KCNG3: variants seen among roughly 807,000 people sequenced by gnomAD.
KCNG3 encodes the protein voltage-gated potassium channel regulatory subunit KCNG3.
Under a neutral mutation model 29.0 loss-of-function variants are expected in KCNG3, and 15 were observed. The observed-to-expected ratio is 0.52, with a 90% CI of 0.35 to 0.80. KCNG3 has a LOEUF of 0.80. Among genes scored for constraint, KCNG3 ranks in the 30% least tolerant of loss-of-function variants. The pLI is 0.01. For missense variants in KCNG3, 512 were observed against 605.7 expected, an observed-to-expected ratio of 0.85 and a Z score of 1.62; for synonymous variants, 322 against 248.9, an observed-to-expected ratio of 1.29 and a Z score of -2.76.
At chr2:42,439,356 G>A (rs979517859), downstream of KCNG3, among the ~76,000 whole-genome samples, 20 of 151,786 alleles carry the variant, frequency 1.3e-4, no homozygotes, top group African/African-American at 4.8e-4. Context: ...CCACCTGCCA[G>A]GTTTAAGTAA....
chr2:42,394,817 C>A, the KCNG3 span, among the ~76,000 whole-genome samples: 1 of 152,208 alleles, frequency 6.6e-6, no homozygotes, highest in African/African-American at 2.4e-5. Context: ...CCTCCTGTCA[C>A]CGGCACACGT....
At chr2:42,423,057 T>C in the KCNG3 span, among the ~76,000 whole-genome samples, 2 of 152,168 alleles carry the variant, frequency 1.3e-5, no homozygotes, top group African/African-American at 4.8e-5. Context: ...ATCCTGACCA[T>C]TTGGACCACT....
intron 1 of KCNG3, among the ~76,000 whole-genome samples, chr2:42,448,062 C>A (rs1371711492): frequency 6.6e-6 from 1 of 152,184 alleles, no homozygotes; most frequent in East Asian, 1.9e-4. Context: ...ACTTGGAGGT[C>A]TCTGCCACTC....
At chr2:42,479,233 G>A (rs1033540393) in intron 1 of KCNG3, among the ~76,000 whole-genome samples, 1 of 152,132 alleles carries the variant, frequency 6.6e-6, no homozygotes, top group Non-Finnish European at 1.5e-5. Flanking sequence ...CTCTAGGATA[G>A]ATACAAAGAA....
At chr2:42,452,413 T>A (rs1672783181) in intron 1 of KCNG3, among the ~76,000 whole-genome samples, 1 of 151,814 alleles carries the variant, frequency 6.6e-6, no homozygotes, top group African/African-American at 2.4e-5. Flanking sequence ...AAGATTAAAT[T>A]ATTTTTTTAC....
At chr2:42,436,128 G>T in the KCNG3 span, among the ~76,000 whole-genome samples, 1 of 152,178 alleles carries the variant, frequency 6.6e-6, no homozygotes, top group Non-Finnish European at 1.5e-5. Flanking sequence ...AAAGAAGCCA[G>T]ACACAAAAGG....
At chr2:42,440,221 C>A (rs1379455120), downstream of KCNG3, among the ~76,000 whole-genome samples, 1 of 152,116 alleles carries the variant, frequency 6.6e-6, no homozygotes, top group Non-Finnish European at 1.5e-5. Context: ...AATGATTAGA[C>A]TATGTCTGAT....
At chr2:42,456,336 C>G (rs1259905745) in intron 1 of KCNG3, among the ~76,000 whole-genome samples, 1 of 152,016 alleles carries the variant, frequency 6.6e-6, no homozygotes, top group African/African-American at 2.4e-5. Context: ...CGAGTCCAGT[C>G]TGGGCAACAT....
chr2:42,441,461 T>TA (rs1358900989), downstream of KCNG3, among the ~76,000 whole-genome samples: 7 of 152,024 alleles, frequency 4.6e-5, no homozygotes, highest in African/African-American at 1.7e-4. Flanking sequence ...ATGCTGTTCC[T>TA]AAAAAAACAC....
At chr2:42,452,243 ATTTTT>A (rs771771721) in intron 1 of KCNG3, among the ~76,000 whole-genome samples, 80 of 95,052 alleles carry the variant, frequency 8.4e-4, no homozygotes, top group East Asian at 6.9e-3. Context: ...ATATATATAT[ATTTTT>A]TTTTTTTTTT....
chr2:42,486,645 T>C (rs1286450217), intron 1 of KCNG3, among the ~76,000 whole-genome samples: 1 of 152,208 alleles, frequency 6.6e-6, no homozygotes, highest in Non-Finnish European at 1.5e-5. Flanking sequence ...AGTGGCATCT[T>C]TGCATTAGCT....
chr2:42,394,691 C>T, the KCNG3 span, among the ~76,000 whole-genome samples: 4 of 152,128 alleles, frequency 2.6e-5, no homozygotes, highest in Non-Finnish European at 5.9e-5. Flanking sequence ...TGAGTTGTCC[C>T]GCCTTTCCAA....
intron 1 of KCNG3, among the ~76,000 whole-genome samples, chr2:42,492,502 A>T (rs987688673): frequency 1.3e-5 from 2 of 152,250 alleles, no homozygotes; most frequent in African/African-American, 4.8e-5. Context: ...CTAACAATAA[A>T]AGTTCAGAAA....
At chr2:42,482,409 C>G (rs1673610182) in intron 1 of KCNG3, among the ~76,000 whole-genome samples, 2 of 152,200 alleles carry the variant, frequency 1.3e-5, no homozygotes, top group South Asian at 2.1e-4. Context: ...GAGACTCTGT[C>G]TCTACAAAAA....
At chr2:42,398,260 T>TAAAATA in the KCNG3 span, among the ~76,000 whole-genome samples, 8 of 124,088 alleles carry the variant, frequency 6.4e-5, no homozygotes, top group South Asian at 2.8e-4. Context: ...AATAAATAAA[T>TAAAATA]AAATAAAATA....
chr2:42,482,411 C>G (rs922046170), intron 1 of KCNG3, among the ~76,000 whole-genome samples: 1 of 152,112 alleles, frequency 6.6e-6, no homozygotes, highest in East Asian at 1.9e-4. Flanking sequence ...GACTCTGTCT[C>G]TACAAAAAAT....
Position 42,492,933 on chromosome 2 carries a change from G to A in KCNG3, c.569C>T (p.Ala190Val), listed in dbSNP as rs1471413725. The part of the protein sequence containing the change: ...FVIVSMVVLC[A>V]STLPDWRNAA... ...GTTGCGCCAGTCGGGCAACGTGCTG[G>A]CGCACAGCACCACCATGGACACGAT... is the stretch of plus-strand genomic sequence containing the variant. The change falls in exon 1 of 2, where the codon GCC (alanine) becomes GTC (valine). Residue 190 changes from alanine (A) to valine (V), a missense_variant. Physicochemically the swap from Ala to Val is moderately conservative, Grantham distance 64. Coordinates refer to ENST00000306078, the MANE Select transcript of KCNG3 (RefSeq NM_133329.6). The A allele has an allele frequency of 4.4e-6, 7 of 1,588,284 alleles. No individual in the cohort carries two copies. Among genetic ancestry groups the A allele is most frequent in the South Asian group, 2.3e-5 (2 of 87,840 alleles).
At chr2:42,459,109 T>C (rs1460203067) in intron 1 of KCNG3, among the ~76,000 whole-genome samples, 1 of 150,878 alleles carries the variant, frequency 6.6e-6, no homozygotes, top group Non-Finnish European at 1.5e-5. Context: ...GGCAGGAGAA[T>C]CGCTTGAACC....
At chr2:42,402,212 A>G in the KCNG3 span, among the ~76,000 whole-genome samples, 1 of 152,164 alleles carries the variant, frequency 6.6e-6, no homozygotes, top group African/African-American at 2.4e-5. Context: ...TGCTTCTCAG[A>G]CCTTCGGTCC....
Sources: gnomAD v4.1 joint callset for allele counts (sites outside exome capture counted in the v4.1 genomes callset) on GRCh38, gnomAD v4.1.1 for gene constraint, MANE v1.5 for transcripts, NCBI Gene and HGNC (gene_info 2026-07-23, HGNC 2026-07-21) for gene names.